The following ACO2 variants were observed in gnomAD, a reference collection of about 807,000 sequenced individuals.
The protein encoded by ACO2 is aconitase 2, also known as aconitate hydratase, mitochondrial.
ACO2 carries 31 observed loss-of-function variants against 84.5 expected under a neutral mutation model. The observed-to-expected ratio is 0.37, with a 90% confidence interval of 0.28 to 0.50. The LOEUF (loss-of-function observed/expected upper bound fraction) is 0.50. Among genes scored for constraint, ACO2 ranks in the 20% least tolerant of loss-of-function variants. The pLI is 0.97. For synonymous variants in ACO2, 414 were observed against 412.7 expected (o/e 1.00, Z -0.04); for missense variants, 685 against 1,029.3 (o/e 0.67, Z 4.58).
In ACO2 at chr22:41,469,160, G is replaced by A; in HGVS notation, c.14G>A (p.Ser5Asn). The change falls in exon 1 of 18, where the codon AGC (serine) becomes AAC (asparagine). Residue 5 changes from serine to asparagine, a missense_variant. By Grantham distance (46) the Ser-to-Asn change is conservative. This residue lies in a region of ACO2 where 98 missense variants were observed against 107.6 expected (regional missense o/e 0.91). Coordinates refer to ENST00000216254, the MANE Select transcript of ACO2 (RefSeq NM_001098.3). MAPY[S>N]LLVTRLQKAL... ...TCAGTGCACAAAATGGCGCCCTACA[G>A]CCTACTGGTGACTCGGCTGCAGGTG... 1 of 1,609,814 alleles carries A rather than the reference G, an allele frequency of 6.2e-7. No homozygotes were observed. The highest frequency in any genetic ancestry group is 1.3e-5 in the African/African-American group (1 of 74,738).
intron 2 of ACO2, among the ~76,000 whole-genome samples, chr22:41,504,588 A>C (rs1183924316): frequency 1.3e-5 from 2 of 152,002 alleles, no homozygotes; most frequent in Non-Finnish European, 2.9e-5. Flanking sequence ...CCCGTACACC[A>C]GCCTTGGCGG....
chr22:41,517,191 C>T, intron 6 of ACO2: 1 of 335,918 alleles, frequency 3.0e-6, no homozygotes, highest in South Asian at 2.8e-5. Flanking sequence ...GGTCAGCCTA[C>T]AGTACGTGGT....
chr22:41,509,815 CTT>C (rs137832), intron 3 of ACO2, among the ~76,000 whole-genome samples: 5 of 107,870 alleles, frequency 4.6e-5, no homozygotes, highest in Admixed American at 1.1e-4. Flanking sequence ...AGAATATGGT[CTT>C]TTTTTTTTTT....
In ACO2 at chr22:41,528,688, A is replaced by C; in HGVS notation, c.*75A>C. 3.2e-6 allele frequency: 5 copies of C among 1,555,730 alleles called. No homozygotes were observed. Among genetic ancestry groups the C allele is most frequent in the Non-Finnish European group, 4.3e-6 (5 of 1,153,086 alleles). ...TGCCATCAGTGGATCCGATCCGTCC[A>C]GCCATGGCTTCCTATTCCAAGATGG... On this transcript the variant is annotated 3_prime_UTR_variant, in exon 18 of 18. Transcript: ENST00000216254.
chr22:41,475,260 C>T (rs2037999482), intron 1 of ACO2, among the ~76,000 whole-genome samples: 1 of 148,770 alleles, frequency 6.7e-6, no homozygotes, highest in Admixed American at 6.8e-5. Flanking sequence ...GCAGCCTTGA[C>T]CTCCTGGGCT....
chr22:41,493,132 C>CT (rs1210819101), intron 1 of ACO2, among the ~76,000 whole-genome samples: 1 of 152,068 alleles, frequency 6.6e-6, no homozygotes, highest in East Asian at 1.9e-4. Context: ...ACTCGCATGA[C>CT]AACTAACCCA....
At chr22:41,522,716 G>A (rs531162932) in intron 9 of ACO2, 114 bp from the exon 10 acceptor site, 8 of 1,244,446 alleles carry the variant, frequency 6.4e-6, no homozygotes, top group African/African-American at 3.0e-5. Context: ...AAAGTCTCTG[G>A]CCCAGCCCAG....
intron 9 of ACO2, among the ~76,000 whole-genome samples, chr22:41,522,165 C>G (rs1159593515): frequency 1.3e-5 from 2 of 152,156 alleles, no homozygotes; most frequent in Admixed American, 6.5e-5. Context: ...TTTGTCTCTA[C>G]AAAAACAATT....
chr22:41,507,647 C>T (rs2066403285), intron 2 of ACO2, 144 bp from the exon 3 acceptor site: 5 of 1,181,700 alleles, frequency 4.2e-6, no homozygotes, highest in Non-Finnish European at 5.9e-6. Context: ...GCAGTCCCCA[C>T]CCAAGTGGAA....
intron 1 of ACO2, among the ~76,000 whole-genome samples, chr22:41,471,055 C>G (rs1428547410): frequency 6.6e-6 from 1 of 151,798 alleles, no homozygotes; most frequent in Non-Finnish European, 1.5e-5. Flanking sequence ...GATCTGGGCT[C>G]TCTTTCCTGA....
At chr22:41,489,865 A>T (rs967132481) in intron 1 of ACO2, among the ~76,000 whole-genome samples, 16 of 151,990 alleles carry the variant, frequency 1.1e-4, no homozygotes, top group African/African-American at 3.9e-4. Context: ...GCTGAAACAA[A>T]GGGTTTGCAC....
Position 41,518,449 on chromosome 22 carries a change from C to A in ACO2, c.941-32C>A, listed in dbSNP as rs117944968. 6.6e-4 allele frequency: 1,014 copies of A among 1,540,696 alleles called. 13 individuals are homozygous for A. In the East Asian group the frequency reaches 0.019, roughly 29 times the overall value. On this transcript the variant is annotated intron_variant, in intron 7 of 17. Transcript: ENST00000216254. ...ACTCTCAAGAACAGTTTATGTTTCA[C>A]GTGCTCCATCCCCGTCCCTTGTTGA...
chr22:41,518,771 T>TAA lies in ACO2; in HGVS notation c.1032+215_1032+216dup, dbSNP rs760530687. 9.4e-3 allele frequency among the ~76,000 whole-genome samples: 1,170 copies of TAA among 124,890 alleles called. 20 individuals carry two copies. Among genetic ancestry groups the TAA allele is most frequent in the African/African-American group, 0.031 (1,070 of 34,372 alleles). The allele number at this position is 124,890 out of a possible 152,430, so 81.9% of individuals were successfully genotyped here. A position where few individuals can be genotyped will look rare whatever the true frequency, so the allele number is the denominator to read the frequency against. ...CAACATAGTGAAACCCCGTCTCTAC[T>TAA]AAAAAAAAAAAAAAAAATACAAAAA... On this transcript the variant is annotated intron_variant, in intron 8 of 17. Transcript: ENST00000216254.
chr22:41,475,459 G>A (rs9611598), intron 1 of ACO2, among the ~76,000 whole-genome samples: 4,768 of 152,194 alleles, frequency 0.031, 121 homozygotes, highest in Non-Finnish European at 0.045. Flanking sequence ...AGTGGGAAGA[G>A]AGTGTTGAGT....
Position 41,477,189 on chromosome 22 carries a change from T to C in ACO2, c.36+8007T>C, listed in dbSNP as rs181929532. Among the ~76,000 whole-genome samples the C allele has an allele frequency of 7.4e-4, 113 of 151,704 alleles. 2 individuals carry two copies. The East Asian group carries it at 0.012, about 16-fold the overall frequency. On this transcript the variant is annotated intron_variant, in intron 1 of 17. Transcript: ENST00000216254. ...ATTTTTTTGAGACGGAGTCTGGCTC[T>C]GTCTCCCAGGCTGGAGTGCAGTGGC...
intron 3 of ACO2, 122 bp downstream of exon 3, chr22:41,508,171 C>A: frequency 1.6e-6 from 2 of 1,264,930 alleles, no homozygotes; most frequent in Non-Finnish European, 2.2e-6. Context: ...GATTGGTCTG[C>A]TTTTAAAACT....
intron 12 of ACO2, 47 bp from the exon 13 acceptor site, chr22:41,524,799 G>A: frequency 6.2e-7 from 1 of 1,613,764 alleles, no homozygotes; most frequent in Non-Finnish European, 8.5e-7. Context: ...GCAGGAGACA[G>A]GAGTGGCAAT....
intron 16 of ACO2, 168 bp from the exon 17 acceptor site, chr22:41,527,732 TA>T: frequency 8.7e-7 from 1 of 1,146,324 alleles, no homozygotes; most frequent in Non-Finnish European, 1.2e-6. Flanking sequence ...GCACACTTGC[TA>T]GGGGCACCCC....
At chr22:41,500,087 T>C (rs750237319) in intron 2 of ACO2, among the ~76,000 whole-genome samples, 4 of 152,120 alleles carry the variant, frequency 2.6e-5, no homozygotes, top group Non-Finnish European at 5.9e-5. Context: ...CCTCTAGATG[T>C]GAACCACAGC....
Sources: allele counts gnomAD v4.1 joint callset (sites outside exome capture counted in the v4.1 genomes callset), GRCh38; gene constraint gnomAD v4.1.1; regional missense constraint gnomAD v4.1.1; transcripts MANE v1.5; gene names NCBI Gene and HGNC (gene_info 2026-07-23, HGNC 2026-07-21).